TPX2: variants seen among roughly 807,000 people sequenced by gnomAD.
The protein encoded by TPX2 is targeting protein for Xklp2.
A neutral mutation model predicts 93.6 loss-of-function variants in TPX2; 21 were observed. The ratio of observed to expected loss-of-function variants is 0.22; its 90% CI spans 0.16 to 0.32. The LOEUF is 0.32. Among genes scored for constraint, TPX2 ranks in the 10% least tolerant of loss-of-function variants. The pLI, the probability that TPX2 is intolerant of heterozygous loss-of-function variation, is 1.00. For synonymous variants in TPX2, 281 were observed against 298.3 expected, an observed-to-expected ratio of 0.94 and a Z score of 0.60; for missense variants, 776 against 871.1, an observed-to-expected ratio of 0.89 and a Z score of 1.37.
chr20:31,749,601 G>A (rs1201156125), intron 2 of TPX2, among the ~76,000 whole-genome samples: 2 of 151,742 alleles, frequency 1.3e-5, no homozygotes, highest in African/African-American at 4.8e-5. Context: ...TTCAAGACCA[G>A]CCTGGCCAAC....
At chr20:31,743,522 CAA>C (rs1206187581) in intron 2 of TPX2, among the ~76,000 whole-genome samples, 1 of 151,414 alleles carries the variant, frequency 6.6e-6, no homozygotes, top group Non-Finnish European at 1.5e-5. Context: ...CGTGTCTCTA[CAA>C]AAAAAATAAA....
At chr20:31,800,898 A>C in intron 17 of TPX2, 72 bp from the exon 18 acceptor site, 1 of 1,290,682 alleles carries the variant, frequency 7.7e-7, no homozygotes, top group Non-Finnish European at 1.1e-6. Context: ...TCTCAAAAAG[A>C]AAAAAATAAA....
At chr20:31,775,374 CTTTA>C (rs1402003493) in intron 7 of TPX2, among the ~76,000 whole-genome samples, 3 of 149,882 alleles carry the variant, frequency 2.0e-5, no homozygotes, top group Admixed American at 1.3e-4. Context: ...ATTTTCTTGT[CTTTA>C]TTTATTTATT....
At chr20:31,747,970 TG>T (rs2122953519) in intron 2 of TPX2, among the ~76,000 whole-genome samples, 1 of 152,220 alleles carries the variant, frequency 6.6e-6, no homozygotes, top group South Asian at 2.1e-4. Flanking sequence ...TTATTATTTC[TG>T]GGGGAGGTAG....
chr20:31,760,465 C>T (rs1384712136), intron 4 of TPX2, among the ~76,000 whole-genome samples: 1 of 151,792 alleles, frequency 6.6e-6, no homozygotes, highest in Non-Finnish European at 1.5e-5. Flanking sequence ...TAGCTCACTG[C>T]AGCCTCAAAC....
intron 11 of TPX2, among the ~76,000 whole-genome samples, chr20:31,782,895 C>T (rs1456394888): frequency 8.3e-5 from 4 of 48,164 alleles, no homozygotes; most frequent in Non-Finnish European, 1.6e-4. Flanking sequence ...CACATACACA[C>T]ACACACACAC....
chr20:31,782,119 T>C, intron 10 of TPX2, 130 bp from the exon 11 acceptor site: 3 of 1,213,996 alleles, frequency 2.5e-6, no homozygotes, highest in Non-Finnish European at 3.4e-6. Flanking sequence ...CAATGTAAGC[T>C]GAGCTGACTG....
intron 10 of TPX2, among the ~76,000 whole-genome samples, chr20:31,779,248 C>T (rs1215707632): frequency 6.6e-6 from 1 of 152,166 alleles, no homozygotes; most frequent in African/African-American, 2.4e-5. Flanking sequence ...CATTACACAT[C>T]CTTAACGGAC....
At chr20:31,783,623 C>A in intron 11 of TPX2, 82 bp from the exon 12 acceptor site, 1 of 1,309,672 alleles carries the variant, frequency 7.6e-7, no homozygotes. Context: ...GATTACTATT[C>A]TTTGTGGTTG....
At chr20:31,752,703 C>T (rs1015369356) in intron 2 of TPX2, among the ~76,000 whole-genome samples, 1 of 152,056 alleles carries the variant, frequency 6.6e-6, no homozygotes, top group African/African-American at 2.4e-5. Context: ...AGCTCTGCCT[C>T]CCGGGTTCAC....
chr20:31,758,077 A>G (rs2061862704), intron 3 of TPX2, among the ~76,000 whole-genome samples: 1 of 148,714 alleles, frequency 6.7e-6, no homozygotes, highest in African/African-American at 2.5e-5. Context: ...AAGATCTTTT[A>G]TAATTACCCT....
chr20:31,772,989 T>C (rs2061973212), intron 7 of TPX2, among the ~76,000 whole-genome samples: 1 of 143,972 alleles, frequency 6.9e-6, no homozygotes, highest in Non-Finnish European at 1.5e-5. Flanking sequence ...TTTTTTTTTT[T>C]TTTTTGAGAT....
At chr20:31,792,331 C>G (rs2062107181) in intron 12 of TPX2, among the ~76,000 whole-genome samples, 1 of 152,068 alleles carries the variant, frequency 6.6e-6, no homozygotes, top group Non-Finnish European at 1.5e-5. Context: ...TGCACTCCAG[C>G]CTGGGCAACA....
chr20:31,791,884 AT>A (rs770351440), intron 12 of TPX2, among the ~76,000 whole-genome samples: 6 of 152,194 alleles, frequency 3.9e-5, no homozygotes, highest in Non-Finnish European at 5.9e-5. Context: ...AAGAGATACC[AT>A]TTTGCAGTTA....
intron 8 of TPX2, 127 bp downstream of exon 8, chr20:31,776,115 C>T: frequency 1.1e-6 from 1 of 950,186 alleles, no homozygotes; most frequent in South Asian, 4.2e-5. Context: ...GCTCTGTCGC[C>T]CAGGCCGGAC....
At position 31,778,860 on chromosome 20, in the gene TPX2, C is replaced by T; in HGVS notation, c.930C>T (p.Ser310=). ...CCATTGTTAAGCCTTTCAACCTGTC[C>T]CAAGGAAAGAAAAGAACATTTGATG... ...GCTIVKPFNL[S]QGKKRTFDET... Residue 310 remains serine, a synonymous_variant, in exon 10 of 18, where the codon TCC becomes TCT. Transcript: ENST00000300403. The T allele has an allele frequency of 6.2e-7, 1 of 1,610,076 alleles. No homozygotes were observed.
chr20:31,794,940 C>T (rs948438033), intron 15 of TPX2, among the ~76,000 whole-genome samples: 4 of 151,864 alleles, frequency 2.6e-5, no homozygotes, highest in African/African-American at 9.7e-5. Context: ...CCTGCCTCAG[C>T]CTCCTGAGTA....
At position 31,800,953 on chromosome 20, in the gene TPX2, T is replaced by G. The variant is rs748820245; in HGVS notation, c.2134-17T>G. Reference sequence around the variant, plus strand: ...CTCTGACATCCCTCTCACTGGTAACTTTTCCTTACTTTGCAGGTGCATAAG... The same window carrying G: ...CTCTGACATCCCTCTCACTGGTAACGTTTCCTTACTTTGCAGGTGCATAAG... On this transcript the variant is annotated splice_polypyrimidine_tract_variant and intron_variant, in intron 17 of 17. Coordinates refer to ENST00000300403, the MANE Select transcript of TPX2 (RefSeq NM_012112.5). The G allele has an allele frequency of 3.7e-6, 6 of 1,605,852 alleles. No homozygotes were observed. The African/African-American group carries it at 8.0e-5, about 21-fold the overall frequency.
At position 31,801,110 on chromosome 20, in the gene TPX2, G is replaced by A. The variant is rs767749827; in HGVS notation, c.*30G>A. The A allele has an allele frequency of 3.1e-6, 5 of 1,588,850 alleles. No individual in the cohort carries two copies. The highest frequency in any genetic ancestry group is 3.3e-5 in the Admixed American group (2 of 59,958). ...AGCTGTGAGCTGCGGATACCGCCCGGCAATGGGACCTGCTCTTAACCTCAA... is the reference window on the plus strand; with the variant it reads ...AGCTGTGAGCTGCGGATACCGCCCGACAATGGGACCTGCTCTTAACCTCAA... On this transcript the variant is annotated 3_prime_UTR_variant, in exon 18 of 18. Coordinates refer to ENST00000300403, the MANE Select transcript of TPX2 (RefSeq NM_012112.5).
Sources: allele counts gnomAD v4.1 joint callset (sites outside exome capture counted in the v4.1 genomes callset), GRCh38; gene constraint gnomAD v4.1.1; transcripts MANE v1.5; gene names NCBI Gene and HGNC (gene_info 2026-07-23, HGNC 2026-07-21).